GNA14: variants seen among roughly 807,000 people sequenced by gnomAD.
GNA14 encodes the protein guanine nucleotide-binding protein subunit alpha-14.
A neutral mutation model predicts 42.0 loss-of-function variants in GNA14; 50 were observed. The observed-to-expected ratio is 1.19, with a 90% CI of 0.95 to 1.51. The LOEUF is 1.51. GNA14 is among the 40% of genes most tolerant of loss of function. The pLI is 0.00. For synonymous variants in GNA14, 173 were observed against 163.1 expected (o/e 1.06, Z -0.46); for missense variants, 473 against 446.2 (o/e 1.06, Z -0.54).
chr9:77,571,462 G>C (rs1048557881), intron 1 of GNA14, among the ~76,000 whole-genome samples: 13 of 152,118 alleles, frequency 8.5e-5, no homozygotes, highest in Non-Finnish European at 1.6e-4. Context: ...AACCACATGT[G>C]GCTGTTGAGC....
chr9:77,516,080 A>G (rs976795630), intron 2 of GNA14, among the ~76,000 whole-genome samples: 1 of 151,092 alleles, frequency 6.6e-6, no homozygotes. Flanking sequence ...GCAAGCAGAG[A>G]GTCACTGAAG....
chr9:77,445,761 G>A (rs1835807565), intron 2 of GNA14, among the ~76,000 whole-genome samples: 1 of 151,792 alleles, frequency 6.6e-6, no homozygotes, highest in African/African-American at 2.4e-5. Context: ...TATTTGTTTG[G>A]GCCAGTTAAT....
intron 2 of GNA14, among the ~76,000 whole-genome samples, chr9:77,504,912 C>T (rs999455577): frequency 2.0e-5 from 3 of 151,954 alleles, no homozygotes; most frequent in South Asian, 2.1e-4. Flanking sequence ...ATGATCCACC[C>T]GCCTCGGCCT....
chr9:77,642,507 T>C (rs1485043079), intron 1 of GNA14, among the ~76,000 whole-genome samples: 1 of 152,206 alleles, frequency 6.6e-6, no homozygotes, highest in African/African-American at 2.4e-5. Flanking sequence ...GGCTCATGCA[T>C]GTAATCCCAG....
chr9:77,625,217 G>C (rs998691843), intron 1 of GNA14, among the ~76,000 whole-genome samples: 1 of 151,900 alleles, frequency 6.6e-6, no homozygotes, highest in African/African-American at 2.4e-5. Context: ...GAAAAGGAAT[G>C]AATAAAGCCT....
At chr9:77,468,420 C>G (rs1836273889) in intron 2 of GNA14, among the ~76,000 whole-genome samples, 1 of 152,202 alleles carries the variant, frequency 6.6e-6, no homozygotes, top group African/African-American at 2.4e-5. Context: ...TCCTTTTAAT[C>G]AGACATACAC....
intron 1 of GNA14, among the ~76,000 whole-genome samples, chr9:77,579,530 T>C (rs1251124288): frequency 6.6e-6 from 1 of 152,210 alleles, no homozygotes. Flanking sequence ...TGATGTTAAC[T>C]TTGCAAATTC....
At chr9:77,475,266 G>A (rs1304824414) in intron 2 of GNA14, among the ~76,000 whole-genome samples, 1 of 152,162 alleles carries the variant, frequency 6.6e-6, no homozygotes, top group East Asian at 1.9e-4. Flanking sequence ...AAGGGAATTT[G>A]TTCAACTGGT....
intron 2 of GNA14, among the ~76,000 whole-genome samples, chr9:77,528,585 G>A (rs980710803): frequency 2.0e-5 from 3 of 151,976 alleles, no homozygotes; most frequent in African/African-American, 4.8e-5. Flanking sequence ...TTGTGCTCAC[G>A]AGCCATCACT....
intron 1 of GNA14, among the ~76,000 whole-genome samples, chr9:77,615,896 A>G (rs550523475): frequency 6.6e-6 from 1 of 151,854 alleles, no homozygotes; most frequent in South Asian, 2.1e-4. Flanking sequence ...CCCAAAGTAG[A>G]TAACATAGAG....
intron 1 of GNA14, among the ~76,000 whole-genome samples, chr9:77,569,816 G>A (rs563621918): frequency 6.6e-6 from 1 of 151,694 alleles, no homozygotes; most frequent in East Asian, 1.9e-4. Flanking sequence ...ACCCAGGCAG[G>A]AGTGCTGTGG....
At chr9:77,586,976 G>GTT (rs3052396) in intron 1 of GNA14, among the ~76,000 whole-genome samples, 1 of 142,988 alleles carries the variant, frequency 7.0e-6, no homozygotes, top group Non-Finnish European at 1.5e-5. Context: ...TTACAGGCTG[G>GTT]TTTTTTTTTT....
chr9:77,500,062 G>T (rs1432897108), intron 2 of GNA14, among the ~76,000 whole-genome samples: 2 of 146,756 alleles, frequency 1.4e-5, no homozygotes, highest in Non-Finnish European at 3.0e-5. Flanking sequence ...CACTCTTGTT[G>T]CTCAGGCTGG....
chr9:77,636,277 T>C (rs1824182571), intron 1 of GNA14, among the ~76,000 whole-genome samples: 1 of 152,170 alleles, frequency 6.6e-6, no homozygotes, highest in Non-Finnish European at 1.5e-5. Context: ...TAATAATAAC[T>C]GACAACTGAT....
At chr9:77,465,395 CATTT>C (rs1836204157) in intron 2 of GNA14, among the ~76,000 whole-genome samples, 1 of 152,182 alleles carries the variant, frequency 6.6e-6, no homozygotes, top group East Asian at 1.9e-4. Context: ...GAAAATACCA[CATTT>C]ATTTATCTCC....
At chr9:77,527,208 A>C (rs561790901) in intron 2 of GNA14, among the ~76,000 whole-genome samples, 7 of 152,342 alleles carry the variant, frequency 4.6e-5, no homozygotes, top group African/African-American at 1.7e-4. Context: ...AAGTCATCTT[A>C]AATCTCCACA....
At chr9:77,517,006 C>T (rs919998879) in intron 2 of GNA14, among the ~76,000 whole-genome samples, 9 of 152,166 alleles carry the variant, frequency 5.9e-5, no homozygotes, top group African/African-American at 2.2e-4. Flanking sequence ...AGCCAAGTGC[C>T]TGGTGCAGTT....
intron 1 of GNA14, among the ~76,000 whole-genome samples, chr9:77,628,410 A>G (rs1824044559): frequency 1.3e-5 from 2 of 152,360 alleles, no homozygotes; most frequent in African/African-American, 2.4e-5. Flanking sequence ...ATGGAAGCAA[A>G]AAAGAGCCCA....
intron 1 of GNA14, among the ~76,000 whole-genome samples, chr9:77,616,865 TTTTTA>T (rs1823828395): frequency 6.6e-6 from 1 of 152,062 alleles, no homozygotes; most frequent in African/African-American, 2.4e-5. Flanking sequence ...CTAGCCACAA[TTTTTA>T]TTTTATTTTT....
Sources: allele counts gnomAD v4.1 joint callset (sites outside exome capture counted in the v4.1 genomes callset), GRCh38; gene constraint gnomAD v4.1.1; transcripts MANE v1.5; gene names NCBI Gene and HGNC (gene_info 2026-07-23, HGNC 2026-07-21).